Variants in SEC14L1 observed in about 807,000 individuals in gnomAD.
SEC14L1 encodes the protein SEC14 like lipid binding 1.
SEC14L1 carries 48 observed loss-of-function variants against 85.3 expected under a neutral mutation model. The observed-to-expected ratio is 0.56, with a 90% CI of 0.45 to 0.72. The LOEUF (loss-of-function observed/expected upper bound fraction) is 0.72. SEC14L1 is among the 30% of genes least tolerant of loss of function. SEC14L1 has a pLI of 0.00. For missense variants in SEC14L1, 682 were observed against 921.4 expected, an observed-to-expected ratio of 0.74 and a Z score of 3.36; for synonymous variants, 391 against 355.5, an observed-to-expected ratio of 1.10 and a Z score of -1.12.
chr17:77,189,541 T>C (rs1318598113), intron 3 of SEC14L1, among the ~76,000 whole-genome samples: 1 of 152,238 alleles, frequency 6.6e-6, no homozygotes, highest in Non-Finnish European at 1.5e-5. Flanking sequence ...TTTTTATGTA[T>C]TCTAGGCACT....
intron 7 of SEC14L1, among the ~76,000 whole-genome samples, chr17:77,195,306 G>T (rs1169987498): frequency 6.8e-5 from 10 of 146,314 alleles, no homozygotes; most frequent in Admixed American, 4.1e-4. Flanking sequence ...TAAGGAAGGT[G>T]TTTTTTTTTG....
chr17:77,145,721 C>A (rs960839581), intron 3 of SEC14L1, among the ~76,000 whole-genome samples: 1 of 152,134 alleles, frequency 6.6e-6, no homozygotes, highest in African/African-American at 2.4e-5. Context: ...ACACAGGAAT[C>A]CGGGAATTCG....
chr17:77,161,054 A>T (rs1231863996), intron 3 of SEC14L1, among the ~76,000 whole-genome samples: 1 of 152,200 alleles, frequency 6.6e-6, no homozygotes, highest in African/African-American at 2.4e-5. Context: ...GTTCAGTTCC[A>T]TATTCATTTT....
chr17:77,177,940 A>G (rs938243061), intron 3 of SEC14L1, among the ~76,000 whole-genome samples: 3 of 152,080 alleles, frequency 2.0e-5, no homozygotes. Context: ...ATTGGGGGAC[A>G]GAGTTGGGGG....
chr17:77,175,732 C>T (rs2143709599), intron 3 of SEC14L1, among the ~76,000 whole-genome samples: 1 of 152,292 alleles, frequency 6.6e-6, no homozygotes, highest in South Asian at 2.1e-4. Context: ...GGGAAAGTCT[C>T]CAGAGCACAT....
chr17:77,120,499 T>C (rs762513435), intron 3 of SEC14L1, among the ~76,000 whole-genome samples: 2 of 151,702 alleles, frequency 1.3e-5, no homozygotes, highest in African/African-American at 2.4e-5. Context: ...TTTTTTTTAA[T>C]GAAGTCTTGC....
At chr17:77,126,010 G>T (rs1799997793) in intron 3 of SEC14L1, among the ~76,000 whole-genome samples, 1 of 152,216 alleles carries the variant, frequency 6.6e-6, no homozygotes. Context: ...AATTAGCTGT[G>T]TATGGTGGCG....
At chr17:77,146,257 A>G (rs1322656915) in intron 3 of SEC14L1, among the ~76,000 whole-genome samples, 2 of 152,176 alleles carry the variant, frequency 1.3e-5, no homozygotes, top group African/African-American at 4.8e-5. Context: ...CGGGGTGGAC[A>G]CAGGGCAGAG....
chr17:77,156,706 A>T (rs1440797025), intron 3 of SEC14L1, among the ~76,000 whole-genome samples: 10 of 152,064 alleles, frequency 6.6e-5, no homozygotes, highest in African/African-American at 2.4e-4. Context: ...CCATGACATA[A>T]TGAAAATTTT....
rs551214637 is a variant in SEC14L1, at chr17:77,114,951, T to G, written c.-136+21604T>G. ...AGCAGGAACACAGGTCTCTTCTCAGTTCCTGAGAAGAGAACTGTTTTCTTG... is the reference window on the plus strand; with the variant it reads ...AGCAGGAACACAGGTCTCTTCTCAGGTCCTGAGAAGAGAACTGTTTTCTTG... On this transcript the variant is annotated intron_variant, in intron 3 of 19. Transcript: ENST00000392476. Among the ~76,000 whole-genome samples, 8 of 152,180 alleles carry G rather than the reference T, an allele frequency of 5.3e-5. No homozygotes were observed. In the South Asian group the frequency reaches 1.5e-3, roughly 28 times the overall value.
At chr17:77,115,619 C>T (rs1437155063) in intron 3 of SEC14L1, among the ~76,000 whole-genome samples, 1 of 152,014 alleles carries the variant, frequency 6.6e-6, no homozygotes, top group Non-Finnish European at 1.5e-5. Context: ...TGCTGTTCTT[C>T]CCTGATGCTG....
intron 3 of SEC14L1, among the ~76,000 whole-genome samples, chr17:77,100,738 G>T (rs372885622): frequency 1.3e-5 from 2 of 151,840 alleles, no homozygotes; most frequent in East Asian, 3.9e-4. Context: ...CGCCCAGCCT[G>T]GGCTTTCTCT....
chr17:77,216,435 CGTAGGTAGGGT>C lies in SEC14L1; in HGVS notation c.*2413_*2423del. The C allele has an allele frequency of 6.9e-7, 1 of 1,458,028 alleles. No homozygotes were observed. Among genetic ancestry groups the C allele is most frequent in the East Asian group, 2.3e-5 (1 of 43,530 alleles). The allele number at this position is 1,458,028 out of a possible 1,614,324, so 90.3% of individuals were successfully genotyped here. A position where few individuals can be genotyped will look rare whatever the true frequency, so the allele number is the denominator to read the frequency against. Reference sequence around the variant, plus strand: ...GTAGGTAGGGTTCGTAGGTAGGGTTCGTAGGTAGGGTTAGTAGCGCGTCTGTGCTGCTTCCA... The same window carrying C: ...GTAGGTAGGGTTCGTAGGTAGGGTTCTAGTAGCGCGTCTGTGCTGCTTCCA... On this transcript the variant is annotated 3_prime_UTR_variant, in exon 17 of 17. Coordinates refer to ENST00000436233, the MANE Select transcript of SEC14L1 (RefSeq NM_001143998.2).
chr17:77,136,180 TCTTTCTTTCTTTCTCTTTTG>T (rs1972792463), upstream of SEC14L1, among the ~76,000 whole-genome samples: 3 of 143,936 alleles, frequency 2.1e-5, no homozygotes, highest in South Asian at 6.2e-4. Flanking sequence ...TGGCCCCTTC[TCTTTCTTTCTTTCTCTTTTG>T]CTTTCTTTCT....
intron 3 of SEC14L1, among the ~76,000 whole-genome samples, chr17:77,164,252 G>A (rs997760692): frequency 4.6e-5 from 7 of 152,204 alleles, no homozygotes; most frequent in Non-Finnish European, 1.0e-4. Context: ...AGCCCACGGC[G>A]CTCAGGCACT....
chr17:77,170,924 A>G (rs1209247673), intron 3 of SEC14L1, among the ~76,000 whole-genome samples: 1 of 152,194 alleles, frequency 6.6e-6, no homozygotes, highest in Admixed American at 6.5e-5. Flanking sequence ...TAAGGTTTTA[A>G]CTACATGTTT....
intron 3 of SEC14L1, among the ~76,000 whole-genome samples, chr17:77,115,620 C>T (rs1422982910): frequency 6.6e-6 from 1 of 152,048 alleles, no homozygotes; most frequent in Non-Finnish European, 1.5e-5. Flanking sequence ...GCTGTTCTTC[C>T]CTGATGCTGC....
intron 3 of SEC14L1, among the ~76,000 whole-genome samples, chr17:77,179,903 T>G (rs1974936621): frequency 6.6e-6 from 1 of 152,108 alleles, no homozygotes; most frequent in Admixed American, 6.5e-5. Context: ...GGTCTTGATC[T>G]CTTGACCTTG....
intron 9 of SEC14L1, among the ~76,000 whole-genome samples, chr17:77,202,982 G>A (rs147291505): frequency 2.6e-5 from 4 of 151,710 alleles, no homozygotes; most frequent in Admixed American, 1.3e-4. Context: ...GCTGCTTGGT[G>A]GGGTTTTAAG....
Sources: allele counts gnomAD v4.1 joint callset (sites outside exome capture counted in the v4.1 genomes callset), GRCh38; gene constraint gnomAD v4.1.1; transcripts MANE v1.5; gene names NCBI Gene and HGNC (gene_info 2026-07-23, HGNC 2026-07-21).